The following IRAK3 variants were observed in gnomAD, a reference collection of about 807,000 sequenced individuals.
The protein encoded by IRAK3 is interleukin-1 receptor-associated kinase 3.
In IRAK3, 57 loss-of-function variants were observed where a neutral mutation model predicts 56.6. The observed-to-expected ratio is 1.01, with a 90% CI of 0.81 to 1.26. The LOEUF (loss-of-function observed/expected upper bound fraction) is 1.26. Ranked by LOEUF, IRAK3 falls within the 50% of genes most tolerant of loss-of-function variation. The probability of loss-of-function intolerance (pLI) is 0.00; values close to 1 mark genes in which losing one functional copy is unlikely to be tolerated. For synonymous variants in IRAK3, 258 were observed against 255.7 expected (o/e 1.01, Z -0.09); for missense variants, 703 against 719.0 (o/e 0.98, Z 0.25).
chr12:66,247,719 C>T lies in IRAK3; in HGVS notation c.1339C>T (p.Gln447Ter), dbSNP rs1438019075. 1 of 1,613,378 alleles carries T rather than the reference C, an allele frequency of 6.2e-7. No homozygotes were observed. Among genetic ancestry groups the T allele is most frequent in the Non-Finnish European group, 8.5e-7 (1 of 1,179,416 alleles). The change falls in exon 12 of 12, where the codon CAA (glutamine) becomes TAA (stop). Residue 447 changes from glutamine (Q) to a stop codon, truncating the protein, a stop_gained. Transcript: ENST00000261233. LOFTEE classifies it low-confidence loss of function (END_TRUNC). The stretch of plus-strand genomic sequence containing the variant: ...GGTTTTAAATACTCTTGAAAGTACT[C>T]AAGCCAGCTTGTATTTTGCTGAAGA... ...DEVLNTLEST[Q>*]ASLYFAEDPP...
At chr12:66,237,058 A>G (rs2052915728) in intron 8 of IRAK3, among the ~76,000 whole-genome samples, 1 of 151,968 alleles carries the variant, frequency 6.6e-6, no homozygotes, top group Admixed American at 6.6e-5. Context: ...GGGGTCACAT[A>G]GATCTCAGTA....
At position 66,231,412 on chromosome 12, in the gene IRAK3, T is replaced by C. The variant is rs1381077784; in HGVS notation, c.887+3042T>C. The stretch of plus-strand genomic sequence containing the variant: ...TCCCATTCATCTTACTTCACAAATA[T>C]TTATAGAACATCTGTTGTGTGCAGA... On this transcript the variant is annotated intron_variant, in intron 8 of 11. Coordinates refer to ENST00000261233, the MANE Select transcript of IRAK3 (RefSeq NM_007199.3). 3.3e-5 allele frequency among the ~76,000 whole-genome samples: 5 copies of C among 152,204 alleles called. No individual in the cohort carries two copies. The East Asian group carries it at 7.7e-4, about 23-fold the overall frequency.
chr12:66,193,876 T>C (rs1378084330), intron 1 of IRAK3, among the ~76,000 whole-genome samples: 1 of 152,200 alleles, frequency 6.6e-6, no homozygotes, highest in Non-Finnish European at 1.5e-5. Context: ...TCTTTCTGTT[T>C]CTTACTTTTT....
intron 8 of IRAK3, among the ~76,000 whole-genome samples, chr12:66,240,245 A>G (rs1174099348): frequency 6.6e-6 from 1 of 152,182 alleles, no homozygotes; most frequent in Non-Finnish European, 1.5e-5. Context: ...CAACAGGGAA[A>G]CAGGCTTAGG....
chr12:66,235,630 ATTAAG>A (rs764649910), intron 8 of IRAK3, among the ~76,000 whole-genome samples: 3 of 152,008 alleles, frequency 2.0e-5, no homozygotes, highest in Admixed American at 2.0e-4. Flanking sequence ...CTCCGATATT[ATTAAG>A]TTATGTTTTT....
intron 1 of IRAK3, among the ~76,000 whole-genome samples, chr12:66,201,586 C>CA (rs1324898144): frequency 6.6e-6 from 1 of 152,138 alleles, no homozygotes; most frequent in Non-Finnish European, 1.5e-5. Flanking sequence ...CGCTTTGCCT[C>CA]AAAGTACACT....
chr12:66,202,706 G>A (rs1170758260), intron 1 of IRAK3, among the ~76,000 whole-genome samples: 1 of 152,022 alleles, frequency 6.6e-6, no homozygotes, highest in African/African-American at 2.4e-5. Context: ...TTGGGAGGCT[G>A]AGGTGGGAGG....
intron 1 of IRAK3, among the ~76,000 whole-genome samples, chr12:66,200,974 C>A (rs78717651): frequency 1.3e-5 from 2 of 152,174 alleles, no homozygotes; most frequent in African/African-American, 2.4e-5. Flanking sequence ...TCACACCTGG[C>A]TAATTTTTGT....
chr12:66,195,990 A>G (rs1243928305), intron 1 of IRAK3, among the ~76,000 whole-genome samples: 2 of 139,780 alleles, frequency 1.4e-5, no homozygotes, highest in African/African-American at 5.5e-5. Flanking sequence ...ACCCCCCCCC[A>G]CCACTCTCTT....
chr12:66,234,722 G>C (rs1208091963), intron 8 of IRAK3: 2 of 1,600,442 alleles, frequency 1.2e-6, no homozygotes, highest in East Asian at 4.5e-5. Context: ...ACATTTTTCT[G>C]TTGATTCCGT....
intron 1 of IRAK3, among the ~76,000 whole-genome samples, chr12:66,194,785 C>T (rs995579617): frequency 6.8e-6 from 1 of 147,760 alleles, no homozygotes; most frequent in Non-Finnish European, 1.5e-5. Flanking sequence ...GCCGGGATCA[C>T]ACTACCGTAC....
Position 66,217,673 on chromosome 12 carries a change from G to A in IRAK3, c.653+438G>A, listed in dbSNP as rs148185112. ...TTATTTTTCTGGAATTCACTCCTGA[G>A]TCTGAGAGTCCTTGGAGACAAATTG... On this transcript the variant is annotated intron_variant, in intron 6 of 11. Transcript: ENST00000261233. Among the ~76,000 whole-genome samples the A allele has an allele frequency of 6.3e-3, 964 of 152,282 alleles. 7 individuals are homozygous for A. Among genetic ancestry groups the A allele is most frequent in the Non-Finnish European group, 6.9e-3 (471 of 67,996 alleles).
Position 66,228,291 on chromosome 12 carries a change from A to G in IRAK3, c.808A>G (p.Ile270Val), listed in dbSNP as rs11465972. The change falls in exon 8 of 12, where the codon ATA (isoleucine) becomes GTA (valine). Residue 270 changes from isoleucine to valine, a missense_variant. Ile to Val is a conservative substitution (Grantham distance 29, BLOSUM62 3). Coordinates refer to ENST00000261233, the MANE Select transcript of IRAK3 (RefSeq NM_007199.3). Reference protein sequence around the residue: ...APLPWHIRIGILIGISKAIHY... With the variant: ...APLPWHIRIGVLIGISKAIHY... ...ACTCCCTTGGCACATTCGAATCGGT[A>G]TATTAATAGGAATATCCAAAGCCAT... The G allele has an allele frequency of 3.6e-4, 584 of 1,614,104 alleles. No individual in the cohort carries two copies. In the African/African-American group the frequency reaches 7.5e-3, roughly 21 times the overall value.
At position 66,231,352 on chromosome 12, in the gene IRAK3, T is replaced by A. The variant is rs573092387; in HGVS notation, c.887+2982T>A. Among the ~76,000 whole-genome samples the A allele has an allele frequency of 6.1e-5, 9 of 146,966 alleles. No homozygotes were observed. In the South Asian group the frequency reaches 1.7e-3, roughly 28 times the overall value. ...CATGGTGAAACCCCATTCTCTACTTTAAAAAAAAAAAGTGTTTATTAAATA... is the reference window on the plus strand; with the variant it reads ...CATGGTGAAACCCCATTCTCTACTTAAAAAAAAAAAAGTGTTTATTAAATA... On this transcript the variant is annotated intron_variant, in intron 8 of 11. Transcript: ENST00000261233.
rs578188786 is a variant in IRAK3, at chr12:66,251,103, A to G, written c.*2932A>G. 6.6e-6 allele frequency: 1 copy of G among 152,312 alleles called. No homozygotes were observed. The highest frequency in any genetic ancestry group is 1.9e-4 in the East Asian group (1 of 5,182). The allele number at this position is 152,312 out of a possible 1,614,324, so 9.4% of individuals were successfully genotyped here. On this transcript the variant is annotated 3_prime_UTR_variant, in exon 12 of 12. Coordinates refer to ENST00000261233, the MANE Select transcript of IRAK3 (RefSeq NM_007199.3). Reference sequence around the variant, plus strand: ...AGCACAGAGTGGGAGCTCTAGAAAGATTGTTGACCAATCATCTTATTGACT... The same window carrying G: ...AGCACAGAGTGGGAGCTCTAGAAAGGTTGTTGACCAATCATCTTATTGACT...
At chr12:66,204,776 GCGCACACACACACACACACACA>G (rs1357317233) in intron 2 of IRAK3, among the ~76,000 whole-genome samples, 7 of 77,066 alleles carry the variant, frequency 9.1e-5, no homozygotes, top group African/African-American at 4.5e-4. Context: ...ATGAGCCCTT[GCGCACACACACACACACACACA>G]CACACACACA....
intron 8 of IRAK3, among the ~76,000 whole-genome samples, chr12:66,239,711 C>T (rs2052945378): frequency 6.6e-6 from 1 of 152,140 alleles, no homozygotes; most frequent in Admixed American, 6.5e-5. Context: ...AGTGCCTCCC[C>T]TCTTCTAAAA....
At chr12:66,201,092 C>A (rs1250932396) in intron 1 of IRAK3, among the ~76,000 whole-genome samples, 1 of 152,256 alleles carries the variant, frequency 6.6e-6, no homozygotes, top group Non-Finnish European at 1.5e-5. Flanking sequence ...GCTAGAACTA[C>A]AGATGTGAGC....
At chr12:66,221,550 G>A (rs915370895) in intron 6 of IRAK3, among the ~76,000 whole-genome samples, 1 of 152,140 alleles carries the variant, frequency 6.6e-6, no homozygotes. Context: ...TACCTAATTT[G>A]TTGAGAGTTT....
Sources: allele counts gnomAD v4.1 joint callset (sites outside exome capture counted in the v4.1 genomes callset), GRCh38; gene constraint gnomAD v4.1.1; transcripts MANE v1.5; gene names NCBI Gene and HGNC (gene_info 2026-07-23, HGNC 2026-07-21).